The following SLC22A15 variants were observed in gnomAD, a reference collection of about 807,000 sequenced individuals.
SLC22A15 encodes flipt 1.
In SLC22A15, 45 loss-of-function variants were observed where a neutral mutation model predicts 62.7. That is an observed-to-expected ratio of 0.72 (90% CI 0.56 to 0.92). The LOEUF (loss-of-function observed/expected upper bound fraction) is 0.92, where lower values mean the gene tolerates loss of function less well. SLC22A15 is among the 40% of genes least tolerant of loss of function. The pLI, the probability that SLC22A15 is intolerant of heterozygous loss-of-function variation, is 0.00. For missense variants in SLC22A15, 622 were observed against 665.6 expected (o/e 0.93, Z 0.72); for synonymous variants, 264 against 267.0 (o/e 0.99, Z 0.11).
intron 1 of SLC22A15, among the ~76,000 whole-genome samples, chr1:115,991,778 T>C (rs1655150726): frequency 6.6e-6 from 1 of 152,242 alleles, no homozygotes; most frequent in Non-Finnish European, 1.5e-5. Context: ...ATCAGAAATA[T>C]CTCAAAGAAA....
Position 116,067,095 on chromosome 1 carries a change from AGAT to A in SLC22A15, c.1635_1637del (p.Met545del). On this transcript the variant is annotated inframe_deletion, in exon 12 of 12. Transcript: ENST00000369503. ...TTTTATGATGCAGATGAAGAGACTC[AGAT>A]GATCAAGTGAAGAGCCCCAGATTCC... 2 of 1,611,116 alleles carry A rather than the reference AGAT, an allele frequency of 1.2e-6. No homozygotes were observed. The highest frequency in any genetic ancestry group is 1.7e-6 in the Non-Finnish European group (2 of 1,178,708).
At chr1:116,043,642 C>CA (rs1189879525) in intron 8 of SLC22A15, among the ~76,000 whole-genome samples, 2 of 151,368 alleles carry the variant, frequency 1.3e-5, no homozygotes, top group Non-Finnish European at 3.0e-5. Context: ...AATATAAAAG[C>CA]AAAAAAATCA....
intron 5 of SLC22A15, chr1:116,027,369 A>G: frequency 1.9e-6 from 1 of 522,540 alleles, no homozygotes; most frequent in Non-Finnish European, 3.8e-6. Context: ...CTGAGGTATG[A>G]TTTTGTAGAA....
Position 116,068,638 on chromosome 1 carries a change from G to A in SLC22A15, c.*1530G>A, listed in dbSNP as rs534244047. The A allele has an allele frequency of 6.6e-6, 1 of 152,272 alleles. No homozygotes were observed. Among genetic ancestry groups the A allele is most frequent in the Admixed American group, 6.5e-5 (1 of 15,298 alleles). 9.4% of individuals were successfully genotyped at this position (152,272 alleles called of 1,614,324 possible). On this transcript the variant is annotated 3_prime_UTR_variant, in exon 12 of 12. Transcript: ENST00000369503. ...CTGCTGTGCCCAGAACATTGGCGTA[G>A]ACACAGTAAGAACCTAGTAAATATT...
At chr1:116,065,878 T>C (rs1043090221) in intron 10 of SLC22A15, among the ~76,000 whole-genome samples, 1 of 152,190 alleles carries the variant, frequency 6.6e-6, no homozygotes, top group East Asian at 1.9e-4. Flanking sequence ...TCTTTGAATC[T>C]CTTTGTGATG....
At chr1:116,026,522 A>C (rs925884243) in intron 4 of SLC22A15, among the ~76,000 whole-genome samples, 1 of 152,216 alleles carries the variant, frequency 6.6e-6, no homozygotes, top group African/African-American at 2.4e-5. Flanking sequence ...CAATAACCTC[A>C]TGACCTGAAA....
chr1:115,977,202 T>C (rs1026915798), intron 1 of SLC22A15, among the ~76,000 whole-genome samples: 8 of 152,154 alleles, frequency 5.3e-5, no homozygotes, highest in African/African-American at 1.7e-4. Flanking sequence ...TCTGCCTCTT[T>C]TCCTGGGCTT....
rs1253455344 is a variant in SLC22A15 at position 116,020,708 on chromosome 1, TTTCTC to T, written c.434-10_434-6del. 6.3e-7 allele frequency: 1 copy of T among 1,598,912 alleles called. No homozygotes were observed. Among genetic ancestry groups the T allele is most frequent in the South Asian group, 1.1e-5 (1 of 89,226 alleles). On this transcript the variant is annotated splice_region_variant and splice_polypyrimidine_tract_variant and intron_variant, in intron 3 of 11. Transcript: ENST00000369503. ...TTGCCTCTGGATTATTGAATATTGTTTTCTCTTTCTAGGTTTTGCTCTTGACATCT... is the reference window on the plus strand; with the variant it reads ...TTGCCTCTGGATTATTGAATATTGTTTTTCTAGGTTTTGCTCTTGACATCT...
At chr1:116,062,933 C>T in intron 9 of SLC22A15, 51 bp downstream of exon 9, 2 of 1,597,924 alleles carry the variant, frequency 1.3e-6, no homozygotes, top group Middle Eastern at 1.7e-4. Context: ...CTTTGTCATC[C>T]ATTCTTGCAC....
intron 8 of SLC22A15, among the ~76,000 whole-genome samples, chr1:116,055,132 G>C (rs1223035353): frequency 2.7e-5 from 4 of 148,684 alleles, no homozygotes; most frequent in East Asian, 3.9e-4. Context: ...TTTTTGAAAG[G>C]ATCAACAAAA....
chr1:115,991,716 C>T (rs1224911005), intron 1 of SLC22A15, among the ~76,000 whole-genome samples: 8 of 152,150 alleles, frequency 5.3e-5, no homozygotes, highest in Non-Finnish European at 2.9e-5. Context: ...TTTCCCTGCC[C>T]TTCTACTTTT....
chr1:115,989,443 CT>C (rs1456352334), intron 1 of SLC22A15, among the ~76,000 whole-genome samples: 1 of 152,124 alleles, frequency 6.6e-6, no homozygotes, highest in Non-Finnish European at 1.5e-5. Context: ...AGCATTTCTT[CT>C]TTTATCTGTA....
At chr1:116,017,975 A>G (rs967461014) in intron 2 of SLC22A15, among the ~76,000 whole-genome samples, 4 of 152,262 alleles carry the variant, frequency 2.6e-5, no homozygotes, top group East Asian at 1.9e-4. Context: ...TCCCTAAAGT[A>G]GAAGATACTA....
chr1:115,978,446 G>C (rs1217510219), intron 1 of SLC22A15, among the ~76,000 whole-genome samples: 1 of 152,178 alleles, frequency 6.6e-6, no homozygotes, highest in African/African-American at 2.4e-5. Flanking sequence ...ATGATTTATG[G>C]TCAGTATTTG....
intron 2 of SLC22A15, among the ~76,000 whole-genome samples, chr1:116,002,195 A>G (rs1028515301): frequency 9.9e-5 from 15 of 152,180 alleles, no homozygotes; most frequent in African/African-American, 3.1e-4. Context: ...TTCCAAACAA[A>G]CAGCATCTCT....
chr1:116,017,173 T>C (rs1471269662), intron 2 of SLC22A15, among the ~76,000 whole-genome samples: 1 of 151,878 alleles, frequency 6.6e-6, no homozygotes, highest in African/African-American at 2.4e-5. Context: ...GGTTGGTTAC[T>C]TGTCATCATC....
At position 116,041,722 on chromosome 1, in the gene SLC22A15, C is replaced by G. The variant is rs543293611; in HGVS notation, c.1171+4334C>G. Among the ~76,000 whole-genome samples the G allele has an allele frequency of 7.9e-5, 12 of 152,242 alleles. No homozygotes were observed. In the South Asian group the frequency reaches 2.5e-3, roughly 32 times the overall value. ...AAATACTGGAGAGTAGTAAGATACA[C>G]AGAGGGAGAACTCCAGAGGTCTGCA... On this transcript the variant is annotated intron_variant, in intron 8 of 11. Transcript: ENST00000369503.
At chr1:115,995,063 A>G (rs1655354540) in intron 2 of SLC22A15, among the ~76,000 whole-genome samples, 1 of 151,740 alleles carries the variant, frequency 6.6e-6, no homozygotes, top group Non-Finnish European at 1.5e-5. Context: ...TTCATTTTGG[A>G]TCTGTCTGAT....
At chr1:115,990,018 A>C (rs1409917800) in intron 1 of SLC22A15, among the ~76,000 whole-genome samples, 1 of 152,268 alleles carries the variant, frequency 6.6e-6, no homozygotes, top group Non-Finnish European at 1.5e-5. Context: ...AAAATAAGCA[A>C]ATACATAAAT....
Sources: allele counts gnomAD v4.1 joint callset (sites outside exome capture counted in the v4.1 genomes callset), GRCh38; gene constraint gnomAD v4.1.1; transcripts MANE v1.5; gene names NCBI Gene and HGNC (gene_info 2026-07-23, HGNC 2026-07-21).